Variants in ERCC6L2 observed in about 807,000 individuals in gnomAD.
ERCC6L2 encodes the protein ERCC excision repair 6 like 2.
In ERCC6L2, 77 loss-of-function variants were observed where a neutral mutation model predicts 132.0. The observed-to-expected ratio is 0.58, with a 90% CI of 0.49 to 0.71. The LOEUF (loss-of-function observed/expected upper bound fraction) is 0.71, where lower values mean the gene tolerates loss of function less well. Ranked by LOEUF, ERCC6L2 falls within the 30% of genes least tolerant of loss-of-function variation. The probability of loss-of-function intolerance (pLI) is 0.00; values close to 1 mark genes in which losing one functional copy is unlikely to be tolerated. For synonymous variants in ERCC6L2, 583 were observed against 632.4 expected (o/e 0.92, Z 1.17); for missense variants, 1,542 against 1,837.6 (o/e 0.84, Z 2.94).
Position 95,897,746 on chromosome 9 carries a change from C to G in ERCC6L2, c.472-103C>G. On this transcript the variant is annotated intron_variant, in intron 2 of 18. Transcript: ENST00000653738. ...ATGTTCTATTTCCCCCAACAAATCT[C>G]TTTGTACATACTTTGTCACTAATTG... 3 of 1,180,894 alleles carry G rather than the reference C, an allele frequency of 2.5e-6. 1 individual carries two copies. The Admixed American group carries it at 7.1e-5, about 28-fold the overall frequency. The allele number at this position is 1,180,894 out of a possible 1,614,324, so 73.2% of individuals were successfully genotyped here.
In ERCC6L2 at chr9:96,038,340, C is replaced by A. The variant is rs117557158; in HGVS notation, c.*1504-536C>A. ...CCCGAATAAAAGGAGAGAAGCCCCT[C>A]TTCCCCCGAAGTATGTGGGAAGACA... On this transcript the variant is annotated intron_variant and NMD_transcript_variant, in intron 19 of 20. Coordinates refer to the ERCC6L2 transcript ENST00000670016. Among the ~76,000 whole-genome samples the A allele has an allele frequency of 6.0e-3, 921 of 152,270 alleles. 24 individuals carry two copies. In the East Asian group the frequency reaches 0.091, roughly 15 times the overall value.
Position 96,000,535 on chromosome 9 carries a change from A to AT in ERCC6L2, c.3493-3984dup, listed in dbSNP as rs531731926. Among the ~76,000 whole-genome samples, 82 of 152,356 alleles carry AT rather than the reference A, an allele frequency of 5.4e-4. 1 individual carries two copies. Among genetic ancestry groups the AT allele is most frequent in the African/African-American group, 1.8e-3 (75 of 41,584 alleles). ...TATCTTTGCATCTCAAATGCATAAC[A>AT]TGTTGGCAGGAACGTAATAGGTGCT... On this transcript the variant is annotated intron_variant, in intron 17 of 18. Transcript: ENST00000653738.
intron 12 of ERCC6L2, among the ~76,000 whole-genome samples, chr9:95,952,430 A>G (rs1831380743): frequency 6.6e-6 from 1 of 152,172 alleles, no homozygotes; most frequent in Admixed American, 6.5e-5. Flanking sequence ...CTGGAATTCA[A>G]AAACAGTTCA....
At chr9:95,955,037 C>T (rs1346400411) in intron 12 of ERCC6L2, 4 of 372,926 alleles carry the variant, frequency 1.1e-5, no homozygotes, top group East Asian at 7.3e-5. Flanking sequence ...GGCCTTGCCC[C>T]GGTTCCCCTC....
chr9:95,880,726 T>G (rs1228601237), intron 1 of ERCC6L2, 143 bp from the exon 2 acceptor site: 5 of 625,740 alleles, frequency 8.0e-6, no homozygotes, highest in Non-Finnish European at 1.4e-5. Flanking sequence ...TAGAAAAATA[T>G]CTATACATGT....
chr9:96,000,972 C>G (rs918016006), intron 17 of ERCC6L2, among the ~76,000 whole-genome samples: 1 of 152,108 alleles, frequency 6.6e-6, no homozygotes, highest in African/African-American at 2.4e-5. Flanking sequence ...TTCTGATGTT[C>G]AGATGTGTTC....
chr9:96,019,809 C>A (rs1236155240), downstream of ERCC6L2: 1 of 152,152 alleles, frequency 6.6e-6, no homozygotes, highest in Non-Finnish European at 1.5e-5. Flanking sequence ...ATCATGGAGG[C>A]AGTTCACGTG....
intron 11 of ERCC6L2, among the ~76,000 whole-genome samples, chr9:95,934,288 ATTATTG>A (rs1428577745): frequency 2.6e-5 from 4 of 152,174 alleles, no homozygotes; most frequent in Non-Finnish European, 5.9e-5. Context: ...AAAGATCACA[ATTATTG>A]TTATTTAAAA....
chr9:95,971,530 T>C (rs576207558), intron 15 of ERCC6L2: 1 of 154,140 alleles, frequency 6.5e-6, no homozygotes, highest in Admixed American at 6.4e-5. Context: ...CTGTAATCTG[T>C]CTTATTCTTA....
chr9:95,961,653 C>G (rs1564265806), intron 13 of ERCC6L2, among the ~76,000 whole-genome samples: 3 of 152,036 alleles, frequency 2.0e-5, no homozygotes. Flanking sequence ...CAAAGACAGA[C>G]TAGGAGCATA....
At chr9:95,909,428 G>A (rs1032438494) in intron 4 of ERCC6L2, among the ~76,000 whole-genome samples, 4 of 152,016 alleles carry the variant, frequency 2.6e-5, no homozygotes, top group African/African-American at 9.7e-5. Flanking sequence ...TATCATCCCA[G>A]GACTTTTCTT....
At chr9:96,032,635 G>A (rs1013722186) in intron 19 of ERCC6L2, among the ~76,000 whole-genome samples, 7 of 152,162 alleles carry the variant, frequency 4.6e-5, no homozygotes, top group Admixed American at 2.6e-4. Flanking sequence ...ACAAAAACTC[G>A]AAGCCACCCC....
At chr9:95,932,860 G>A (rs1026634765) in intron 11 of ERCC6L2, among the ~76,000 whole-genome samples, 3 of 152,118 alleles carry the variant, frequency 2.0e-5, no homozygotes, top group African/African-American at 7.2e-5. Context: ...TCCTCAGTTC[G>A]AAAAGAGCAA....
chr9:95,942,206 G>T (rs922757830), intron 12 of ERCC6L2, among the ~76,000 whole-genome samples: 4 of 152,130 alleles, frequency 2.6e-5, no homozygotes, highest in African/African-American at 9.6e-5. Flanking sequence ...AGTACTTCCA[G>T]ATCTCCCCAG....
chr9:95,967,857 C>T (rs1344215794), intron 14 of ERCC6L2: 1 of 152,088 alleles, frequency 6.6e-6, no homozygotes, highest in Non-Finnish European at 1.5e-5. Flanking sequence ...CTCCAGCTCC[C>T]AAACCCAGCT....
chr9:96,019,084 C>T (rs2133245177), downstream of ERCC6L2, among the ~76,000 whole-genome samples: 1 of 152,286 alleles, frequency 6.6e-6, no homozygotes, highest in Admixed American at 6.5e-5. Flanking sequence ...TAAGGAAACT[C>T]CAATGAGTTG....
At position 95,935,714 on chromosome 9, in the gene ERCC6L2, A is replaced by G. The variant is rs117228325; in HGVS notation, c.1752-5740A>G. Among the ~76,000 whole-genome samples, 40 of 152,302 alleles carry G rather than the reference A, an allele frequency of 2.6e-4. No homozygotes were observed. In the East Asian group the frequency reaches 7.7e-3, roughly 29 times the overall value. The stretch of plus-strand genomic sequence containing the variant: ...TTGGTCACTTGTGGTATAGTTATCA[A>G]GAATGACTGGTGTGATACCAGCTGC... On this transcript the variant is annotated intron_variant, in intron 11 of 18. Coordinates refer to ENST00000653738, the MANE Select transcript of ERCC6L2 (RefSeq NM_020207.7).
At chr9:95,933,174 T>G (rs899693260) in intron 11 of ERCC6L2, among the ~76,000 whole-genome samples, 2 of 152,228 alleles carry the variant, frequency 1.3e-5, no homozygotes, top group African/African-American at 4.8e-5. Flanking sequence ...ATGCCTGACC[T>G]TGCCATCAAG....
At chr9:95,926,049 A>G (rs1409757629) in intron 9 of ERCC6L2, among the ~76,000 whole-genome samples, 1 of 152,200 alleles carries the variant, frequency 6.6e-6, no homozygotes, top group African/African-American at 2.4e-5. Context: ...ACCACTAGAT[A>G]CCTATTAGAA....
Sources: gnomAD v4.1 joint callset for allele counts (sites outside exome capture counted in the v4.1 genomes callset) on GRCh38, gnomAD v4.1.1 for gene constraint, MANE v1.5 for transcripts, NCBI Gene and HGNC (gene_info 2026-07-23, HGNC 2026-07-21) for gene names.